The following NTRK3 variants were observed in gnomAD, a reference collection of about 807,000 sequenced individuals.
NTRK3 encodes the protein neurotrophic receptor tyrosine kinase 3.
In NTRK3, 24 loss-of-function variants were observed where a neutral mutation model predicts 91.7. That is an observed-to-expected ratio of 0.26 (90% confidence interval 0.19 to 0.37). The LOEUF (loss-of-function observed/expected upper bound fraction) is 0.37. Ranked by LOEUF, NTRK3 falls within the 10% of genes least tolerant of loss-of-function variation. NTRK3 has a pLI of 1.00. For missense variants in NTRK3, 880 were observed against 1,068.9 expected (o/e 0.82, Z 2.46); for synonymous variants, 483 against 404.0 (o/e 1.20, Z -2.34).
chr15:87,970,454 T>C (rs2073159767), intron 14 of NTRK3, among the ~76,000 whole-genome samples: 1 of 152,154 alleles, frequency 6.6e-6, no homozygotes, highest in Admixed American at 6.5e-5. Flanking sequence ...AAGAAGTGGG[T>C]GGTTGACGAA....
rs2069522366 is a variant in NTRK3 at position 87,938,678 on chromosome 15, A to AAGTGCAAAAATGTTCAGTTCATTCTCC, written c.1716+1918_1716+1944dup. Among the ~76,000 whole-genome samples, 4 of 152,306 alleles carry AAGTGCAAAAATGTTCAGTTCATTCTCC rather than the reference A, an allele frequency of 2.6e-5. No homozygotes were observed. In the South Asian group the frequency reaches 8.3e-4, roughly 32 times the overall value. Reference sequence around the variant, plus strand: ...CAGCCATCATTTCATTCTCTGCTGAAAGTGCAAAAATGTTCAGTTCATTCT... The same window carrying AAGTGCAAAAATGTTCAGTTCATTCTCC: ...CAGCCATCATTTCATTCTCTGCTGAAAGTGCAAAAATGTTCAGTTCATTCTCCAGTGCAAAAATGTTCAGTTCATTCT... On this transcript the variant is annotated intron_variant, in intron 15 of 18. Transcript: ENST00000394480.
At chr15:87,956,773 T>C (rs545483858) in intron 14 of NTRK3, among the ~76,000 whole-genome samples, 1 of 151,914 alleles carries the variant, frequency 6.6e-6, no homozygotes, top group East Asian at 1.9e-4. Flanking sequence ...GGTTTCGCCA[T>C]GTTGGCCAGG....
chr15:88,234,342 G>A lies in NTRK3; in HGVS notation c.248+21564C>T, dbSNP rs1398039663. 5.9e-5 allele frequency among the ~76,000 whole-genome samples: 9 copies of A among 152,120 alleles called. No homozygotes were observed. The highest frequency in any genetic ancestry group is 1.2e-4 in the Non-Finnish European group (8 of 68,020). ...ATCAGCCCTGCATTTATATAGCAAGGCATATGCTAAACACTGGAAAGACAA... is the reference window on the plus strand; with the variant it reads ...ATCAGCCCTGCATTTATATAGCAAGACATATGCTAAACACTGGAAAGACAA... On this transcript the variant is annotated intron_variant, in intron 3 of 18. Transcript: ENST00000394480. The surrounding 1 kb of genome is among the most constrained non-coding windows in gnomAD (Gnocchi z 6.1).
chr15:88,084,510 T>C (rs2048329250), intron 13 of NTRK3, among the ~76,000 whole-genome samples: 1 of 152,180 alleles, frequency 6.6e-6, no homozygotes, highest in Non-Finnish European at 1.5e-5. Context: ...CAGGTTCCTC[T>C]GGAAATGGCC....
In NTRK3 at chr15:88,235,022, C is replaced by T. The variant is rs972037698; in HGVS notation, c.248+20884G>A. 5.9e-5 allele frequency among the ~76,000 whole-genome samples: 9 copies of T among 152,174 alleles called. No individual in the cohort carries two copies. Among genetic ancestry groups the T allele is most frequent in the African/African-American group, 1.4e-4 (6 of 41,440 alleles). ...CTCTGACTGTCTGTCACTGACAGAT[C>T]GAAGCTGGACAATCCATTCTCCGAG... On this transcript the variant is annotated intron_variant, in intron 3 of 18. Transcript: ENST00000394480. This position sits in a 1 kb window ranked among gnomAD's most constrained non-coding sequence, Gnocchi z 5.2.
At chr15:88,251,279 GC>G (rs2053328815) in intron 3 of NTRK3, among the ~76,000 whole-genome samples, 2 of 152,254 alleles carry the variant, frequency 1.3e-5, no homozygotes, top group Non-Finnish European at 2.9e-5. Flanking sequence ...CCCAGGAGAT[GC>G]CCTTAAAAGT....
At chr15:87,921,881 TAAAAAAAAAA>T (rs201850075) in intron 17 of NTRK3, among the ~76,000 whole-genome samples, 1 of 143,188 alleles carries the variant, frequency 7.0e-6, no homozygotes, top group African/African-American at 2.5e-5. Context: ...GACTTGGTAT[TAAAAAAAAAA>T]AAAACTATTG....
intron 13 of NTRK3, among the ~76,000 whole-genome samples, chr15:88,111,820 CAAT>C (rs1374441475): frequency 6.6e-6 from 1 of 151,728 alleles, no homozygotes; most frequent in Non-Finnish European, 1.5e-5. Context: ...TGGATGGTAA[CAAT>C]GATACAATTT....
At chr15:87,978,140 A>G in intron 14 of NTRK3, 1 of 230,502 alleles carries the variant, frequency 4.3e-6, no homozygotes, top group East Asian at 6.2e-5. Flanking sequence ...TTCAGGCCCT[A>G]CAAATGTGCC....
At chr15:88,025,038 C>T (rs947213018) in intron 14 of NTRK3, among the ~76,000 whole-genome samples, 5 of 152,284 alleles carry the variant, frequency 3.3e-5, no homozygotes, top group East Asian at 3.9e-4. Flanking sequence ...TACAATCACA[C>T]GTGTGTGGCC....
At chr15:87,866,364 C>T (rs1173140873) in exon 19 of NTRK3, 1 of 178,530 alleles carries the variant, frequency 5.6e-6, no homozygotes, top group East Asian at 9.3e-5. Flanking sequence ...TAGAAGGAAT[C>T]AAGAAAAGAA....
chr15:87,892,117 C>T (rs531696192), intron 17 of NTRK3, among the ~76,000 whole-genome samples: 35 of 151,982 alleles, frequency 2.3e-4, no homozygotes, highest in Non-Finnish European at 4.4e-4. Flanking sequence ...CACACACGCA[C>T]GCACACACCA....
At chr15:88,138,803 C>T (rs529448092) in intron 6 of NTRK3, among the ~76,000 whole-genome samples, 2 of 152,356 alleles carry the variant, frequency 1.3e-5, no homozygotes, top group South Asian at 4.1e-4. Context: ...GTTTGTTTAT[C>T]TGTCTCCCTG....
exon 19 of NTRK3, chr15:87,867,684 G>A (rs185541424): frequency 1.2e-4 from 27 of 228,634 alleles, no homozygotes; most frequent in East Asian, 5.0e-4. Context: ...CATGCTAACC[G>A]TTTTGGTTCA....
chr15:88,156,147 T>C (rs747020896), intron 5 of NTRK3, among the ~76,000 whole-genome samples: 17 of 152,304 alleles, frequency 1.1e-4, no homozygotes, highest in South Asian at 2.1e-4. Context: ...AGCAGTCACA[T>C]AGTTTGTTTT....
At chr15:87,939,969 G>A (rs560088082) in intron 15 of NTRK3, among the ~76,000 whole-genome samples, 5 of 152,310 alleles carry the variant, frequency 3.3e-5, no homozygotes, top group South Asian at 2.1e-4. Flanking sequence ...AATCTGCCAC[G>A]TGTCTTGGCA....
intron 13 of NTRK3, among the ~76,000 whole-genome samples, chr15:88,048,353 C>T (rs1438695500): frequency 6.6e-6 from 1 of 152,152 alleles, no homozygotes; most frequent in Non-Finnish European, 1.5e-5. Flanking sequence ...TCCTGACGGG[C>T]TATCAAAGTG....
At chr15:88,082,661 C>T (rs1046991191) in intron 13 of NTRK3, among the ~76,000 whole-genome samples, 1 of 152,182 alleles carries the variant, frequency 6.6e-6, no homozygotes, top group Admixed American at 6.5e-5. Context: ...CCATGAGACA[C>T]TTATTAATTT....
At chr15:87,936,930 A>C (rs1429274875) in intron 15 of NTRK3, among the ~76,000 whole-genome samples, 1 of 152,152 alleles carries the variant, frequency 6.6e-6, no homozygotes, top group East Asian at 1.9e-4. Context: ...CATGGACTCT[A>C]TAAGGTCTGG....
Sources: allele counts gnomAD v4.1 joint callset (sites outside exome capture counted in the v4.1 genomes callset), GRCh38; gene constraint gnomAD v4.1.1; non-coding constraint Gnocchi (gnomAD v3.1); transcripts MANE v1.5; gene names NCBI Gene and HGNC (gene_info 2026-07-23, HGNC 2026-07-21).